The following STK24 variants were observed in gnomAD, a reference collection of about 807,000 sequenced individuals.
STK24 encodes the protein serine/threonine kinase 24, also known as serine/threonine-protein kinase 24.
STK24 carries 21 observed loss-of-function variants against 55.6 expected under a neutral mutation model. That is an observed-to-expected ratio of 0.38 (90% CI 0.27 to 0.54). The LOEUF (loss-of-function observed/expected upper bound fraction) is 0.54. Ranked by LOEUF, STK24 falls within the 20% of genes least tolerant of loss-of-function variation. STK24 has a pLI of 0.79. For missense variants in STK24, 383 were observed against 538.4 expected (o/e 0.71, Z 2.86); for synonymous variants, 200 against 215.2 (o/e 0.93, Z 0.62).
At chr13:98,554,184 T>A (rs531907450) in intron 1 of STK24, among the ~76,000 whole-genome samples, 25 of 151,996 alleles carry the variant, frequency 1.6e-4, no homozygotes, top group African/African-American at 6.0e-4. Context: ...ATATGCAACT[T>A]ACTCCCTTTA....
intron 2 of STK24, among the ~76,000 whole-genome samples, chr13:98,489,486 T>A (rs1894936416): frequency 6.6e-6 from 1 of 152,208 alleles, no homozygotes; most frequent in Admixed American, 6.5e-5. Flanking sequence ...CCAGGGTGGC[T>A]GAGGGGGAAC....
chr13:98,574,818 T>C (rs1897837971), intron 1 of STK24, among the ~76,000 whole-genome samples: 1 of 151,746 alleles, frequency 6.6e-6, no homozygotes, highest in Non-Finnish European at 1.5e-5. Flanking sequence ...GTATCTTCTT[T>C]TCCCAAGGTT....
chr13:98,562,684 G>A (rs189068920), intron 1 of STK24, among the ~76,000 whole-genome samples: 16 of 152,278 alleles, frequency 1.1e-4, no homozygotes, highest in Admixed American at 2.6e-4. Flanking sequence ...GGGAGGCCAA[G>A]GTGGGCAGAT....
intron 1 of STK24, among the ~76,000 whole-genome samples, chr13:98,545,144 T>C (rs1362703481): frequency 1.3e-5 from 2 of 152,164 alleles, no homozygotes; most frequent in African/African-American, 2.4e-5. Flanking sequence ...ATGACAGGAA[T>C]TGGTGCCCTT....
At chr13:98,509,259 T>A (rs1895795042) in intron 2 of STK24, among the ~76,000 whole-genome samples, 1 of 152,200 alleles carries the variant, frequency 6.6e-6, no homozygotes, top group African/African-American at 2.4e-5. Flanking sequence ...AATACTGTTA[T>A]AGCTAAGAGA....
intron 1 of STK24, among the ~76,000 whole-genome samples, chr13:98,573,010 C>T (rs750118867): frequency 2.2e-4 from 33 of 152,230 alleles, no homozygotes; most frequent in Non-Finnish European, 4.0e-4. Flanking sequence ...AACTTTTCAG[C>T]GCCAACATGA....
At chr13:98,493,872 G>A (rs1163346503) in intron 2 of STK24, among the ~76,000 whole-genome samples, 2 of 147,112 alleles carry the variant, frequency 1.4e-5, no homozygotes, top group Non-Finnish European at 3.0e-5. Flanking sequence ...GAGTCTCACT[G>A]TGTTGCCCAG....
At position 98,460,455 on chromosome 13, in the gene STK24, A is replaced by T; in HGVS notation, c.1054-15T>A. On this transcript the variant is annotated splice_polypyrimidine_tract_variant and intron_variant, in intron 8 of 10. Transcript: ENST00000539966. ...ATGTCTTTCATCTTGGGGGAGAGGG[A>T]AAAAAAGGTCATCAGAAACAGTTGA... 1.3e-6 allele frequency: 2 copies of T among 1,584,020 alleles called. No individual in the cohort carries two copies. Among genetic ancestry groups the T allele is most frequent in the Admixed American group, 1.7e-5 (1 of 58,904 alleles).
intron 5 of STK24, among the ~76,000 whole-genome samples, chr13:98,471,465 G>GT (rs1894143140): frequency 6.6e-6 from 1 of 152,162 alleles, no homozygotes; most frequent in Non-Finnish European, 1.5e-5. Flanking sequence ...GTGAGCAGAG[G>GT]TATCTCCCTT....
chr13:98,571,928 C>G (rs1226106000), intron 1 of STK24, among the ~76,000 whole-genome samples: 1 of 152,184 alleles, frequency 6.6e-6, no homozygotes, highest in African/African-American at 2.4e-5. Context: ...CTCCCCACAC[C>G]TGAGAAAGCA....
intron 2 of STK24, among the ~76,000 whole-genome samples, chr13:98,494,430 T>A (rs1017428224): frequency 1.2e-4 from 7 of 57,706 alleles, no homozygotes; most frequent in East Asian, 5.3e-4. Context: ...AAAAAAAAAG[T>A]GCCTCTAACA....
intron 1 of STK24, among the ~76,000 whole-genome samples, chr13:98,571,510 A>G (rs1051417715): frequency 6.6e-6 from 1 of 152,180 alleles, no homozygotes; most frequent in Non-Finnish European, 1.5e-5. Flanking sequence ...GGACTCCTCC[A>G]AAAGTTTGGG....
At chr13:98,466,627 G>T in intron 5 of STK24, 66 bp from the exon 6 acceptor site, 1 of 1,518,588 alleles carries the variant, frequency 6.6e-7, no homozygotes, top group Non-Finnish European at 8.9e-7. Flanking sequence ...AGTATTTAGG[G>T]GGAAAATGGT....
chr13:98,451,182 CT>C lies in STK24; in HGVS notation c.*1990del, dbSNP rs1893172877. On this transcript the variant is annotated 3_prime_UTR_variant, in exon 11 of 11. Transcript: ENST00000539966. Reference sequence around the variant, plus strand: ...TGAAGAACTCTGTAAATCAGAAAAGCTGCTGTCCGCCCTGGCTCACTTAAAA... The same window carrying C: ...TGAAGAACTCTGTAAATCAGAAAAGCGCTGTCCGCCCTGGCTCACTTAAAA... The C allele has an allele frequency of 6.6e-6, 1 of 152,180 alleles. No individual in the cohort carries two copies. The highest frequency in any genetic ancestry group is 2.4e-5 in the African/African-American group (1 of 41,424). 9.4% of individuals were successfully genotyped at this position (152,180 alleles called of 1,614,324 possible). A position where few individuals can be genotyped will look rare whatever the true frequency, so the allele number is the denominator to read the frequency against.
At chr13:98,522,177 T>C (rs1896286150) in intron 1 of STK24, 1 of 844,208 alleles carries the variant, frequency 1.2e-6, no homozygotes. Flanking sequence ...TCCAGTCCTT[T>C]AGCATCCACA....
intron 3 of STK24, among the ~76,000 whole-genome samples, chr13:98,475,672 C>T (rs534985900): frequency 2.0e-5 from 3 of 152,194 alleles, no homozygotes; most frequent in African/African-American, 4.8e-5. Context: ...ATGGCAGGGG[C>T]GGGGCGCAGG....
At chr13:98,465,904 G>C (rs573021089) in intron 6 of STK24, among the ~76,000 whole-genome samples, 1 of 152,330 alleles carries the variant, frequency 6.6e-6, no homozygotes, top group East Asian at 1.9e-4. Context: ...AGAGAAAGTA[G>C]GCAGGAAGGG....
At chr13:98,558,122 C>T (rs71437969) in intron 1 of STK24, among the ~76,000 whole-genome samples, 2,900 of 152,262 alleles carry the variant, frequency 0.019, 50 homozygotes, top group Non-Finnish European at 0.031. Context: ...TCCTTGAAGA[C>T]GGAGCTGTTA....
chr13:98,540,394 T>C (rs945996807), intron 1 of STK24, among the ~76,000 whole-genome samples: 3 of 152,140 alleles, frequency 2.0e-5, no homozygotes, highest in African/African-American at 7.2e-5. Flanking sequence ...AAACTACACA[T>C]TACATACCTT....
Sources: allele counts gnomAD v4.1 joint callset (sites outside exome capture counted in the v4.1 genomes callset), GRCh38; gene constraint gnomAD v4.1.1; transcripts MANE v1.5; gene names NCBI Gene and HGNC (gene_info 2026-07-23, HGNC 2026-07-21).